The following CRACDL variants were observed in gnomAD, a reference collection of about 807,000 sequenced individuals.
CRACDL encodes CRACD-like protein.
CRACDL carries 26 observed loss-of-function variants against 70.6 expected under a neutral mutation model. The observed-to-expected ratio is 0.37, with a 90% CI of 0.27 to 0.51. The LOEUF (loss-of-function observed/expected upper bound fraction) is 0.51. Ranked by LOEUF, CRACDL falls within the 20% of genes least tolerant of loss-of-function variation. The pLI is 0.94. For synonymous variants in CRACDL, 618 were observed against 615.2 expected, an observed-to-expected ratio of 1.00 and a Z score of -0.07; for missense variants, 1,283 against 1,376.9, an observed-to-expected ratio of 0.93 and a Z score of 1.08.
chr2:98,812,783 G>C (rs1220539866), intron 7 of CRACDL, among the ~76,000 whole-genome samples: 1 of 151,642 alleles, frequency 6.6e-6, no homozygotes, highest in East Asian at 1.9e-4. Flanking sequence ...AGGATATGTA[G>C]TTTGCCTATC....
At position 98,821,895 on chromosome 2, in the gene CRACDL, G is replaced by A. The variant is rs908065688; in HGVS notation, c.2378C>T (p.Pro793Leu). ...CAGCGGCCTTTTCTCCGCCGTCCTGGGCTCCTTCCTGGGTTCCCGCTCTCC... is the reference window on the plus strand; with the variant it reads ...CAGCGGCCTTTTCTCCGCCGTCCTGAGCTCCTTCCTGGGTTCCCGCTCTCC... The part of the protein sequence containing the change: ...GPGEREPRKE[P>L]RTAEKRPLRR... Residue 793 changes from proline (P) to leucine (L), a missense_variant, in exon 7 of 10, where the codon CCC becomes CTC. Transcript: ENST00000397899. 1.9e-6 allele frequency: 3 copies of A among 1,604,838 alleles called. No homozygotes were observed. The African/African-American group carries it at 4.0e-5, about 22-fold the overall frequency.
chr2:98,810,961 A>G (rs1391345582), intron 7 of CRACDL, among the ~76,000 whole-genome samples: 5 of 151,016 alleles, frequency 3.3e-5, no homozygotes. Context: ...GAGGCAGTTC[A>G]CTCTGATATA....
chr2:98,878,012 T>C (rs1184824337), intron 1 of CRACDL, among the ~76,000 whole-genome samples: 1 of 150,888 alleles, frequency 6.6e-6, no homozygotes, highest in African/African-American at 2.4e-5. Context: ...AGTGGCACGA[T>C]CTTGGCTCAC....
At chr2:98,838,057 C>T in intron 3 of CRACDL, 62 bp downstream of exon 3, 2 of 1,392,094 alleles carry the variant, frequency 1.4e-6, no homozygotes, top group South Asian at 1.4e-5. Context: ...CAGCAAGTTA[C>T]CAGGATAATG....
chr2:98,861,260 T>C (rs1170118657), intron 1 of CRACDL, among the ~76,000 whole-genome samples: 2 of 152,050 alleles, frequency 1.3e-5, no homozygotes, highest in Non-Finnish European at 2.9e-5. Flanking sequence ...GGAAGGAGAA[T>C]CGCTTGAACC....
chr2:98,798,796 A>T (rs898469609), intron 7 of CRACDL, among the ~76,000 whole-genome samples: 26 of 151,694 alleles, frequency 1.7e-4, no homozygotes, highest in African/African-American at 6.3e-4. Context: ...GGCTCAAGTG[A>T]TCCTCCCACC....
intron 6 of CRACDL, among the ~76,000 whole-genome samples, chr2:98,826,401 T>A (rs1705302845): frequency 2.0e-5 from 3 of 152,208 alleles, no homozygotes; most frequent in African/African-American, 7.2e-5. Context: ...GGGCTGAAAA[T>A]GCAGCCAGGA....
intron 1 of CRACDL, among the ~76,000 whole-genome samples, chr2:98,855,607 T>C (rs956674961): frequency 8.5e-5 from 13 of 152,136 alleles, no homozygotes; most frequent in Non-Finnish European, 5.9e-5. Flanking sequence ...GTCTGACTCA[T>C]ACACAGGGAA....
intron 9 of CRACDL, among the ~76,000 whole-genome samples, chr2:98,795,481 A>G (rs1308791627): frequency 6.6e-6 from 1 of 152,210 alleles, no homozygotes; most frequent in African/African-American, 2.4e-5. Flanking sequence ...TTAGGATTCT[A>G]TTCATTAGAA....
intron 1 of CRACDL, among the ~76,000 whole-genome samples, chr2:98,895,251 A>C (rs781441563): frequency 2.0e-5 from 3 of 152,210 alleles, no homozygotes; most frequent in Non-Finnish European, 4.4e-5. Context: ...GTGACAACAG[A>C]GGGAGGGCCT....
chr2:98,794,435 C>G lies in CRACDL; in HGVS notation c.*97G>C. 1 of 1,123,554 alleles carries G rather than the reference C, an allele frequency of 8.9e-7. No homozygotes were observed. Among genetic ancestry groups the G allele is most frequent in the Non-Finnish European group, 1.3e-6 (1 of 769,658 alleles). The allele number at this position is 1,123,554 out of a possible 1,614,324, so 69.6% of individuals were successfully genotyped here. On this transcript the variant is annotated 3_prime_UTR_variant, in exon 10 of 10. Transcript: ENST00000397899. ...GTCATAACTTGATGATAAAATCAAT[C>G]TTTAAGTTTCACAGTTTGTTTGCCA...
chr2:98,806,295 C>T (rs1194800546), intron 7 of CRACDL, among the ~76,000 whole-genome samples: 1 of 152,238 alleles, frequency 6.6e-6, no homozygotes, highest in African/African-American at 2.4e-5. Flanking sequence ...AAAGAAAAAA[C>T]AATCGTTGAG....
At chr2:98,809,021 A>G (rs954879347) in intron 7 of CRACDL, among the ~76,000 whole-genome samples, 7 of 152,180 alleles carry the variant, frequency 4.6e-5, no homozygotes, top group Admixed American at 3.3e-4. Flanking sequence ...CCAGGTAGAA[A>G]CTGTAAGACT....
At chr2:98,928,799 T>C (rs1450446598) in intron 1 of CRACDL, among the ~76,000 whole-genome samples, 1 of 152,126 alleles carries the variant, frequency 6.6e-6, no homozygotes, top group African/African-American at 2.4e-5. Flanking sequence ...AAAAATGCCA[T>C]TTTCAACCAG....
chr2:98,807,222 T>C (rs1042488593), intron 7 of CRACDL, among the ~76,000 whole-genome samples: 2 of 152,188 alleles, frequency 1.3e-5, no homozygotes, highest in African/African-American at 4.8e-5. Context: ...GATCTCTAAT[T>C]TTCATTCACT....
chr2:98,795,350 A>G (rs866920430), intron 9 of CRACDL, among the ~76,000 whole-genome samples: 2 of 151,986 alleles, frequency 1.3e-5, no homozygotes, highest in South Asian at 2.1e-4. Context: ...TGCTGGGATT[A>G]CAAGCGTAAG....
At chr2:98,840,674 A>C (rs1705991125) in intron 2 of CRACDL, 1 of 152,040 alleles carries the variant, frequency 6.6e-6, no homozygotes, top group African/African-American at 2.4e-5. Context: ...TTTGTTGGGG[A>C]GGTTGCTTTC....
In CRACDL at chr2:98,810,970, T is replaced by TA. The variant is rs71386057; in HGVS notation, c.2416+10886dup. Among the ~76,000 whole-genome samples, 1,194 of 131,620 alleles carry TA rather than the reference T, an allele frequency of 9.1e-3. 7 individuals are homozygous for TA. The highest frequency in any genetic ancestry group is 0.018 in the Admixed American group (235 of 12,802). The allele number at this position is 131,620 out of a possible 152,430, so 86.3% of individuals were successfully genotyped here. A position where few individuals can be genotyped will look rare whatever the true frequency, so the allele number is the denominator to read the frequency against. On this transcript the variant is annotated intron_variant, in intron 7 of 9. Coordinates refer to ENST00000397899, the MANE Select transcript of CRACDL (RefSeq NM_207362.3). ...AGACGCGAGGCAGTTCACTCTGATA[T>TA]AAAAAAAAAAAAAAGATGCCCATGC...
rs577049968 is a variant in CRACDL, at chr2:98,927,598, G to A, written c.-11+8340C>T. Among the ~76,000 whole-genome samples, 17 of 151,676 alleles carry A rather than the reference G, an allele frequency of 1.1e-4. No individual in the cohort carries two copies. In the South Asian group the frequency reaches 2.5e-3, roughly 22 times the overall value. On this transcript the variant is annotated intron_variant, in intron 1 of 9. Transcript: ENST00000397899. ...TACACAGGAAATCTACTTAGGAGACGGTACGCAAAGGCACTGATCAGACAA... is the reference window on the plus strand; with the variant it reads ...TACACAGGAAATCTACTTAGGAGACAGTACGCAAAGGCACTGATCAGACAA...
Sources: gnomAD v4.1 joint callset for allele counts (sites outside exome capture counted in the v4.1 genomes callset) on GRCh38, gnomAD v4.1.1 for gene constraint, MANE v1.5 for transcripts, NCBI Gene and HGNC (gene_info 2026-07-23, HGNC 2026-07-21) for gene names.